The following RNF11 variants were observed in gnomAD, a reference collection of about 807,000 sequenced individuals.
The protein encoded by RNF11 is ring finger protein 11.
Under a neutral mutation model 15.8 loss-of-function variants are expected in RNF11, and 4 were observed. That is an observed-to-expected ratio of 0.25 (90% CI 0.12 to 0.58). The LOEUF is 0.58. RNF11 is among the 20% of genes least tolerant of loss of function. The pLI is 0.91. For missense variants in RNF11, 139 were observed against 194.4 expected, an observed-to-expected ratio of 0.71 and a Z score of 1.70; for synonymous variants, 68 against 72.3, an observed-to-expected ratio of 0.94 and a Z score of 0.30.
chr1:51,259,431 A>C, intron 1 of RNF11, among the ~76,000 whole-genome samples: 1 of 152,240 alleles, frequency 6.6e-6, no homozygotes, highest in Non-Finnish European at 1.5e-5. Flanking sequence ...GCGTGGAAAT[A>C]TTTAGCACAG....
chr1:51,249,759 G>T (rs184782888), intron 1 of RNF11, among the ~76,000 whole-genome samples: 2 of 152,272 alleles, frequency 1.3e-5, no homozygotes, highest in Admixed American at 1.3e-4. Flanking sequence ...AAATAAAGAT[G>T]CTGTGAACAT....
intron 1 of RNF11, chr1:51,251,445 C>A (rs778108274): frequency 3.8e-6 from 3 of 796,642 alleles, no homozygotes; most frequent in South Asian, 1.6e-5. Flanking sequence ...TCCGGGCCCC[C>A]CCCCGCTGCA....
chr1:51,239,702 A>T (rs1184055586), intron 1 of RNF11, among the ~76,000 whole-genome samples: 1 of 152,168 alleles, frequency 6.6e-6, no homozygotes, highest in East Asian at 1.9e-4. Flanking sequence ...GGCGTTAGCT[A>T]CCTCACACAG....
intron 1 of RNF11, among the ~76,000 whole-genome samples, chr1:51,262,226 C>T (rs536617496): frequency 5.9e-5 from 9 of 152,292 alleles, no homozygotes; most frequent in Admixed American, 1.3e-4. Context: ...CTGCACTTGG[C>T]CCCAAAACAA....
chr1:51,252,008 G>C (rs778365115), intron 1 of RNF11, among the ~76,000 whole-genome samples: 2 of 141,292 alleles, frequency 1.4e-5, no homozygotes, highest in Non-Finnish European at 3.0e-5. Context: ...GAATCCGGGA[G>C]ACAGGTCGCA....
At chr1:51,261,940 C>T (rs1443130435) in intron 1 of RNF11, among the ~76,000 whole-genome samples, 6 of 152,046 alleles carry the variant, frequency 3.9e-5, no homozygotes, top group African/African-American at 7.2e-5. Context: ...CTGCAACCTC[C>T]GTCTCTCCGG....
intron 1 of RNF11, among the ~76,000 whole-genome samples, chr1:51,245,404 C>T (rs184306676): frequency 7.2e-5 from 11 of 152,090 alleles, no homozygotes; most frequent in Middle Eastern, 6.8e-3. Flanking sequence ...CCACCCACCT[C>T]GGCCTCCCAA....
Position 51,236,640 on chromosome 1 carries a change from C to T in RNF11, c.-117C>T, listed in dbSNP as rs1367399269. 2.1e-6 allele frequency: 3 copies of T among 1,432,430 alleles called. No homozygotes were observed. The highest frequency in any genetic ancestry group is 2.9e-6 in the Non-Finnish European group (3 of 1,042,536). The allele number at this position is 1,432,430 out of a possible 1,614,324, so 88.7% of individuals were successfully genotyped here. A position where few individuals can be genotyped will look rare whatever the true frequency, so the allele number is the denominator to read the frequency against. Reference sequence around the variant, plus strand: ...CCGTGGGGCGGTGGAGTCGCCTCCGCCTGATCCCCGGCCTGTCGCCCGACC... The same window carrying T: ...CCGTGGGGCGGTGGAGTCGCCTCCGTCTGATCCCCGGCCTGTCGCCCGACC... On this transcript the variant is annotated 5_prime_UTR_variant, in exon 1 of 3. Coordinates refer to ENST00000242719, the MANE Select transcript of RNF11 (RefSeq NM_014372.5).
At chr1:51,243,437 A>T (rs567037608) in intron 1 of RNF11, among the ~76,000 whole-genome samples, 1 of 151,772 alleles carries the variant, frequency 6.6e-6, no homozygotes, top group Non-Finnish European at 1.5e-5. Flanking sequence ...GATTGTTATT[A>T]TTATTATTAT....
At chr1:51,241,704 T>C (rs1417468656) in intron 1 of RNF11, among the ~76,000 whole-genome samples, 1 of 152,166 alleles carries the variant, frequency 6.6e-6, no homozygotes, top group Non-Finnish European at 1.5e-5. Flanking sequence ...TCTACCCAAC[T>C]CCCTTATTCC....
At chr1:51,237,460 A>ATATG (rs1646810278) in intron 1 of RNF11, among the ~76,000 whole-genome samples, 2 of 147,332 alleles carry the variant, frequency 1.4e-5, no homozygotes, top group African/African-American at 2.5e-5. Context: ...ATATATATAT[A>ATATG]TATGTATATA....
At chr1:51,248,432 C>T (rs750151268) in intron 1 of RNF11, among the ~76,000 whole-genome samples, 2 of 152,040 alleles carry the variant, frequency 1.3e-5, no homozygotes, top group African/African-American at 4.8e-5. Context: ...GAACTCCCGA[C>T]CTCAGGTGAT....
intron 1 of RNF11, among the ~76,000 whole-genome samples, chr1:51,257,834 ATTTCTTTTCT>A (rs1436184265): frequency 8.2e-6 from 1 of 122,536 alleles, no homozygotes; most frequent in Non-Finnish European, 1.6e-5. Context: ...TTCTCTTCTT[ATTTCTTTTCT>A]TTTCTTTTCT....
At chr1:51,240,766 T>G (rs1646825797) in intron 1 of RNF11, among the ~76,000 whole-genome samples, 1 of 152,202 alleles carries the variant, frequency 6.6e-6, no homozygotes, top group Non-Finnish European at 1.5e-5. Context: ...TTTTTTTGTT[T>G]TGTGACTGGG....
intron 1 of RNF11, among the ~76,000 whole-genome samples, chr1:51,267,758 T>A (rs779192096): frequency 1.6e-4 from 25 of 151,998 alleles, no homozygotes; most frequent in Non-Finnish European, 3.1e-4. Flanking sequence ...TAAGATGGAG[T>A]CTCTCTCTGT....
In RNF11 at chr1:51,239,230, A is replaced by G. The variant is rs572406953; in HGVS notation, c.123+2351A>G. On this transcript the variant is annotated intron_variant, in intron 1 of 2. Transcript: ENST00000242719. ...CTCCTATCCTTATGATAATTGTACTATTAAAGGTACTAGAATTTATGGAAA... is the reference window on the plus strand; with the variant it reads ...CTCCTATCCTTATGATAATTGTACTGTTAAAGGTACTAGAATTTATGGAAA... Among the ~76,000 whole-genome samples, 22 of 152,224 alleles carry G rather than the reference A, an allele frequency of 1.4e-4. No homozygotes were observed. The South Asian group carries it at 4.2e-3, about 29-fold the overall frequency.
At chr1:51,266,486 TTTTC>T (rs1211482099) in intron 1 of RNF11, among the ~76,000 whole-genome samples, 2 of 152,204 alleles carry the variant, frequency 1.3e-5, no homozygotes, top group Non-Finnish European at 2.9e-5. Flanking sequence ...TCTTTTTTCT[TTTTC>T]TTTCACTTTG....
At position 51,260,043 on chromosome 1, in the gene RNF11, C is replaced by T. The variant is rs79710568; in HGVS notation, c.124-9913C>T. Among the ~76,000 whole-genome samples the T allele has an allele frequency of 1.7e-3, 263 of 152,290 alleles. 1 individual carries two copies. The highest frequency in any genetic ancestry group is 6.1e-3 in the African/African-American group (252 of 41,562). ...CCTGTTTGCAAGGTGGTGTTAGGTC[C>T]TATGAATTAGGAGTTTGTAAGTTTA... is the stretch of plus-strand genomic sequence containing the variant. On this transcript the variant is annotated intron_variant, in intron 1 of 2. Transcript: ENST00000242719.
chr1:51,248,177 T>C (rs1305818335), intron 1 of RNF11, among the ~76,000 whole-genome samples: 4 of 150,242 alleles, frequency 2.7e-5, no homozygotes, highest in Admixed American at 1.3e-4. Flanking sequence ...GAAAATACAT[T>C]TACAGTGCTA....
Sources: allele counts gnomAD v4.1 joint callset (sites outside exome capture counted in the v4.1 genomes callset), GRCh38; gene constraint gnomAD v4.1.1; transcripts MANE v1.5; gene names NCBI Gene and HGNC (gene_info 2026-07-23, HGNC 2026-07-21).